Variants in RBFOX1 observed in about 807,000 individuals in gnomAD.
The protein encoded by RBFOX1 is RNA binding protein fox-1 homolog 1.
Under a neutral mutation model 57.7 loss-of-function variants are expected in RBFOX1, and 8 were observed. The ratio of observed to expected loss-of-function variants is 0.14; its 90% confidence interval spans 0.08 to 0.25. The LOEUF (loss-of-function observed/expected upper bound fraction) is 0.25, where lower values mean the gene tolerates loss of function less well. Among genes scored for constraint, RBFOX1 ranks in the 10% least tolerant of loss-of-function variants. The pLI, the probability that RBFOX1 is intolerant of heterozygous loss-of-function variation, is 1.00. For synonymous variants in RBFOX1, 326 were observed against 222.4 expected, an observed-to-expected ratio of 1.47 and a Z score of -4.15; for missense variants, 611 against 548.5, an observed-to-expected ratio of 1.11 and a Z score of -1.14.
chr16:7,693,434 T>C (rs566636135), intron 14 of RBFOX1: 20 of 1,172,918 alleles, frequency 1.7e-5, no homozygotes, highest in Middle Eastern at 2.0e-4. Context: ...TTTTTTTTTT[T>C]CTTCTTCACA....
At chr16:6,889,391 T>C (rs1040593202) in intron 3 of RBFOX1, among the ~76,000 whole-genome samples, 5 of 152,190 alleles carry the variant, frequency 3.3e-5, no homozygotes, top group African/African-American at 4.8e-5. Flanking sequence ...GCCAGTGATA[T>C]CTTACATATG....
chr16:6,941,350 C>CCTTCCTTT (rs2078478818), intron 3 of RBFOX1, among the ~76,000 whole-genome samples: 1 of 139,618 alleles, frequency 7.2e-6, no homozygotes, highest in Non-Finnish European at 1.6e-5. Context: ...TTCCTTCCTT[C>CCTTCCTTT]CTTCCTTCTC....
intron 4 of RBFOX1, among the ~76,000 whole-genome samples, chr16:7,498,987 A>T (rs1158368868): frequency 6.6e-6 from 1 of 152,188 alleles, no homozygotes; most frequent in Non-Finnish European, 1.5e-5. Flanking sequence ...CTGGACCTCA[A>T]ACTCCATGAA....
At chr16:6,233,634 G>A (rs954184072) in intron 1 of RBFOX1, among the ~76,000 whole-genome samples, 2 of 151,776 alleles carry the variant, frequency 1.3e-5, no homozygotes, top group African/African-American at 4.8e-5. Context: ...AAAGAAATGG[G>A]GTCTCACTGT....
chr16:5,625,850 G>A lies in RBFOX1; in HGVS notation c.318+26889G>A, dbSNP rs537664695. On this transcript the variant is annotated intron_variant, in intron 3 of 19. Transcript: ENST00000641259. ...TGGGATTACAGGTGTGAGCCACCGTGTCCAGCCCTGGATTTACTCTTTAAT... is the reference window on the plus strand; with the variant it reads ...TGGGATTACAGGTGTGAGCCACCGTATCCAGCCCTGGATTTACTCTTTAAT... Among the ~76,000 whole-genome samples the A allele has an allele frequency of 1.7e-3, 263 of 150,616 alleles. 1 individual carries two copies. Among genetic ancestry groups the A allele is most frequent in the Non-Finnish European group, 2.1e-3 (143 of 67,718 alleles).
chr16:7,567,324 T>C (rs1398624078), intron 5 of RBFOX1, among the ~76,000 whole-genome samples: 2 of 85,412 alleles, frequency 2.3e-5, no homozygotes, highest in Admixed American at 1.4e-4. Flanking sequence ...TATATATATC[T>C]CCCTATATAT....
At chr16:7,177,289 C>T (rs543783841) in intron 4 of RBFOX1, among the ~76,000 whole-genome samples, 98 of 152,198 alleles carry the variant, frequency 6.4e-4, no homozygotes, top group Middle Eastern at 6.8e-3. Flanking sequence ...AGTGTCAGTT[C>T]TACAAGCAAA....
intron 3 of RBFOX1, among the ~76,000 whole-genome samples, chr16:5,779,792 C>T (rs7204002): frequency 6.6e-6 from 1 of 151,998 alleles, no homozygotes; most frequent in African/African-American, 2.4e-5. Flanking sequence ...CAGGAGGCCA[C>T]GACTGTCTTG....
At chr16:7,631,605 C>T (rs911971230) in intron 11 of RBFOX1, among the ~76,000 whole-genome samples, 1 of 152,102 alleles carries the variant, frequency 6.6e-6, no homozygotes, top group Admixed American at 6.5e-5. Flanking sequence ...TCTTTAGGGT[C>T]AGTGCTTAAA....
In RBFOX1 at chr16:5,853,557, C is replaced by T. The variant is rs1473200242; in HGVS notation, c.319-13746C>T. The stretch of plus-strand genomic sequence containing the variant: ...ACTTGGAGATCTCTCTTGACGGTTA[C>T]ATGCCTTTCTTTTTGTCTGTGGCAA... On this transcript the variant is annotated intron_variant, in intron 3 of 19. Coordinates refer to the RBFOX1 transcript ENST00000641259. Among the ~76,000 whole-genome samples the T allele has an allele frequency of 1.4e-4, 21 of 152,170 alleles. 1 individual carries two copies. The highest frequency in any genetic ancestry group is 1.9e-4 in the East Asian group (1 of 5,172).
At chr16:6,645,888 C>T (rs1012561210) in intron 2 of RBFOX1, among the ~76,000 whole-genome samples, 3 of 152,212 alleles carry the variant, frequency 2.0e-5, no homozygotes, top group African/African-American at 7.2e-5. Flanking sequence ...AACTCGGCCT[C>T]CTTGTGCAGA....
At chr16:6,915,904 A>G (rs1230546251) in intron 3 of RBFOX1, among the ~76,000 whole-genome samples, 1 of 152,152 alleles carries the variant, frequency 6.6e-6, no homozygotes, top group Non-Finnish European at 1.5e-5. Context: ...TGTTCCGTGA[A>G]AGGGCCGTAT....
chr16:6,736,339 C>T (rs2070299621), intron 3 of RBFOX1, among the ~76,000 whole-genome samples: 1 of 151,988 alleles, frequency 6.6e-6, no homozygotes. Flanking sequence ...CCCCAAAGTC[C>T]ATTGTATCAT....
intron 3 of RBFOX1, among the ~76,000 whole-genome samples, chr16:6,867,871 C>T (rs2060210650): frequency 6.6e-6 from 1 of 152,084 alleles, no homozygotes; most frequent in South Asian, 2.1e-4. Context: ...CCAGTTTCAA[C>T]GATGTATTAT....
chr16:6,612,268 C>T (rs1233280766), intron 2 of RBFOX1, among the ~76,000 whole-genome samples: 1 of 152,122 alleles, frequency 6.6e-6, no homozygotes, highest in East Asian at 1.9e-4. Flanking sequence ...TAAAATTTTG[C>T]ATGATCACAA....
At chr16:5,905,512 G>A (rs2152193655) in intron 4 of RBFOX1, among the ~76,000 whole-genome samples, 1 of 152,170 alleles carries the variant, frequency 6.6e-6, no homozygotes, top group Non-Finnish European at 1.5e-5. Flanking sequence ...AGGAGTTTTT[G>A]ACCAGCTTGG....
chr16:7,034,128 C>T (rs2043582542), intron 3 of RBFOX1, among the ~76,000 whole-genome samples: 1 of 152,210 alleles, frequency 6.6e-6, no homozygotes, highest in South Asian at 2.1e-4. Flanking sequence ...AGCAACAGGA[C>T]GTTGTCTGAG....
intron 2 of RBFOX1, among the ~76,000 whole-genome samples, chr16:5,578,414 C>T (rs996563457): frequency 2.6e-5 from 4 of 152,288 alleles, no homozygotes; most frequent in African/African-American, 9.6e-5. Context: ...TGTTCCAGTT[C>T]CCTTATCCTC....
At chr16:7,539,742 C>A (rs566870009) in intron 5 of RBFOX1, among the ~76,000 whole-genome samples, 108 of 152,284 alleles carry the variant, frequency 7.1e-4, no homozygotes, top group African/African-American at 2.5e-3. Context: ...TAGCACTGGG[C>A]TTCCTGCTTC....
Sources: allele counts gnomAD v4.1 joint callset (sites outside exome capture counted in the v4.1 genomes callset), GRCh38; gene constraint gnomAD v4.1.1; transcripts MANE v1.5; gene names NCBI Gene and HGNC (gene_info 2026-07-23, HGNC 2026-07-21).